C2orf92: variants seen among roughly 807,000 people sequenced by gnomAD.
C2orf92 encodes uncharacterized protein C2orf92.
At chr2:97,700,997 C>T (rs1676477268) in intron 6 of C2orf92, among the ~76,000 whole-genome samples, 157 bp from the exon 7 acceptor site, 1 of 152,186 alleles carries the variant, frequency 6.6e-6, no homozygotes, top group Non-Finnish European at 1.5e-5. Context: ...TCCCAAAGTG[C>T]TGGGATTACA....
At chr2:97,697,707 C>CTGTTA (rs887001074) in intron 5 of C2orf92, among the ~76,000 whole-genome samples, 3 of 151,956 alleles carry the variant, frequency 2.0e-5, no homozygotes, top group African/African-American at 7.3e-5. Flanking sequence ...TGATAATTTT[C>CTGTTA]TGTTATTTTA....
At chr2:97,673,625 G>GAGCT (rs1553564233) in intron 1 of C2orf92, among the ~76,000 whole-genome samples, 1 of 152,102 alleles carries the variant, frequency 6.6e-6, no homozygotes, top group Non-Finnish European at 1.5e-5. Context: ...CCAGCAGGCC[G>GAGCT]AGCTCTTCCC....
chr2:97,697,894 A>AT (rs879694590), intron 5 of C2orf92: 180 of 146,718 alleles, frequency 1.2e-3, no homozygotes, highest in Middle Eastern at 3.5e-3. Context: ...TGCCTGGCTA[A>AT]TTTTTTTTTT....
chr2:97,665,947 T>G (rs1675218360), upstream of C2orf92: 1 of 151,446 alleles, frequency 6.6e-6, no homozygotes, highest in Admixed American at 6.6e-5. Flanking sequence ...CCAGGTAATT[T>G]TTTTGTATTT....
chr2:97,665,501 G>A (rs1168191205), upstream of C2orf92, among the ~76,000 whole-genome samples: 1 of 151,970 alleles, frequency 6.6e-6, no homozygotes, highest in Non-Finnish European at 1.5e-5. Context: ...TTACAGAGTA[G>A]GCCATCCTCA....
upstream of C2orf92, chr2:97,669,566 A>T (rs1675341384): frequency 2.7e-6 from 1 of 376,156 alleles, no homozygotes; most frequent in Non-Finnish European, 4.7e-6. Flanking sequence ...AGCCGAGGGA[A>T]GTGAGCAGAG....
rs146660344 is a variant in C2orf92, at chr2:97,703,063, G to T, written c.*262G>T. Reference sequence around the variant, plus strand: ...AATAAAGCATTGATTCATTTTTTCAGTCATTCATTGAACAGATATTAATAG... The same window carrying T: ...AATAAAGCATTGATTCATTTTTTCATTCATTCATTGAACAGATATTAATAG... On this transcript the variant is annotated 3_prime_UTR_variant, in exon 8 of 8. Transcript: ENST00000627399. 44 of 304,902 alleles carry T rather than the reference G, an allele frequency of 1.4e-4. 1 individual carries two copies. In the East Asian group the frequency reaches 2.2e-3, roughly 16 times the overall value. 18.9% of individuals were successfully genotyped at this position (304,902 alleles called of 1,614,324 possible).
Position 97,702,969 on chromosome 2 carries a change from G to A in C2orf92, c.*168G>A. 2.5e-6 allele frequency: 1 copy of A among 394,022 alleles called. No individual in the cohort carries two copies. The highest frequency in any genetic ancestry group is 4.5e-6 in the Non-Finnish European group (1 of 223,688). The allele number at this position is 394,022 out of a possible 1,614,324, so 24.4% of individuals were successfully genotyped here. A position where few individuals can be genotyped will look rare whatever the true frequency, so the allele number is the denominator to read the frequency against. On this transcript the variant is annotated 3_prime_UTR_variant, in exon 8 of 8. Coordinates refer to ENST00000627399, the MANE Select transcript of C2orf92 (RefSeq NM_001351368.2). Reference sequence around the variant, plus strand: ...GACCAAGAAAAACTGCTTTACCATAGGACACTTGTGGCAATATGGCACCGA... The same window carrying A: ...GACCAAGAAAAACTGCTTTACCATAAGACACTTGTGGCAATATGGCACCGA...
chr2:97,684,885 G>A (rs1675900294), intron 3 of C2orf92, among the ~76,000 whole-genome samples: 1 of 151,972 alleles, frequency 6.6e-6, no homozygotes, highest in African/African-American at 2.4e-5. Flanking sequence ...TTAGGGAAAT[G>A]CAAAATATCA....
At chr2:97,665,729 CTCTCTCTCTATA>C (rs1377034220), upstream of C2orf92, 40 of 27,598 alleles carry the variant, frequency 1.4e-3, no homozygotes, top group African/African-American at 2.9e-3. Context: ...CTCTCTCTCT[CTCTCTCTCTATA>C]TATATATATA....
upstream of C2orf92, chr2:97,664,771 C>T (rs185716939): frequency 6.6e-6 from 1 of 150,934 alleles, no homozygotes; most frequent in African/African-American, 2.4e-5. Flanking sequence ...GAAGGGATCT[C>T]GCTATGTTCC....
intron 6 of C2orf92, 129 bp downstream of exon 6, chr2:97,699,265 C>T: frequency 2.6e-6 from 1 of 392,106 alleles, no homozygotes; most frequent in Non-Finnish European, 4.5e-6. Context: ...ATTAAATCTG[C>T]AGTGAATACA....
intron 4 of C2orf92, among the ~76,000 whole-genome samples, chr2:97,689,955 C>T (rs1676073657): frequency 6.6e-6 from 1 of 152,034 alleles, no homozygotes. Context: ...ATGGCGAAAC[C>T]CTGTCTCTAC....
intron 5 of C2orf92, among the ~76,000 whole-genome samples, chr2:97,690,733 G>A (rs1023284308): frequency 6.7e-6 from 1 of 149,880 alleles, no homozygotes; most frequent in Non-Finnish European, 1.5e-5. Flanking sequence ...CTGGCAGATG[G>A]TGCTCAGACT....
intron 1 of C2orf92, among the ~76,000 whole-genome samples, chr2:97,673,278 C>T (rs1355235326): frequency 6.6e-6 from 1 of 152,182 alleles, no homozygotes; most frequent in Non-Finnish European, 1.5e-5. Flanking sequence ...CCACATCCTT[C>T]TTCAGTGGCA....
chr2:97,695,424 T>C (rs1289163912), intron 5 of C2orf92, among the ~76,000 whole-genome samples: 4 of 152,236 alleles, frequency 2.6e-5, no homozygotes, highest in African/African-American at 4.8e-5. Context: ...AAAATTCTTG[T>C]GCTGGTTTTT....
At chr2:97,696,227 TCTC>T (rs1676301590) in intron 5 of C2orf92, among the ~76,000 whole-genome samples, 1 of 152,150 alleles carries the variant, frequency 6.6e-6, no homozygotes, top group Non-Finnish European at 1.5e-5. Flanking sequence ...AAGAGGCTGA[TCTC>T]CTTGATAGGG....
chr2:97,688,572 G>A (rs1197052169), intron 3 of C2orf92, among the ~76,000 whole-genome samples: 1 of 152,082 alleles, frequency 6.6e-6, no homozygotes, highest in Admixed American at 6.6e-5. Flanking sequence ...GTCATCTTGC[G>A]AACAGCCTCA....
intron 1 of C2orf92, chr2:97,670,709 T>G (rs1331132961): frequency 1.3e-5 from 2 of 151,800 alleles, no homozygotes; most frequent in South Asian, 2.1e-4. Context: ...ACCACAGGCA[T>G]GTACCACCAC....
Sources: allele counts gnomAD v4.1 joint callset (sites outside exome capture counted in the v4.1 genomes callset), GRCh38; gene constraint gnomAD v4.1.1; transcripts MANE v1.5; gene names NCBI Gene and HGNC (gene_info 2026-07-23, HGNC 2026-07-21).